The following DOCK5 variants were observed in gnomAD, a reference collection of about 807,000 sequenced individuals.
DOCK5 encodes the protein dedicator of cytokinesis 5, also known as dedicator of cytokinesis protein 5.
DOCK5 carries 142 observed loss-of-function variants against 251.8 expected under a neutral mutation model. The observed-to-expected ratio is 0.56, with a 90% CI of 0.49 to 0.65. The LOEUF is 0.65. Ranked by LOEUF, DOCK5 falls within the 30% of genes least tolerant of loss-of-function variation. The probability of loss-of-function intolerance (pLI) is 0.00; values close to 1 mark genes in which losing one functional copy is unlikely to be tolerated. For missense variants in DOCK5, 2,111 were observed against 2,312.3 expected (o/e 0.91, Z 1.79); for synonymous variants, 842 against 835.5 (o/e 1.01, Z -0.13).
intron 18 of DOCK5, among the ~76,000 whole-genome samples, chr8:25,330,115 G>A (rs1417239675): frequency 4.6e-5 from 7 of 152,198 alleles, no homozygotes; most frequent in African/African-American, 9.6e-5. Flanking sequence ...TCCTCCAGCA[G>A]CTATGAGTCA....
chr8:25,311,411 C>A (rs1805091619), intron 13 of DOCK5, among the ~76,000 whole-genome samples: 1 of 151,696 alleles, frequency 6.6e-6, no homozygotes, highest in African/African-American at 2.4e-5. Context: ...GGTGTGGTGG[C>A]ACGTGCCTGT....
chr8:25,195,080 C>A (rs1586218419), intron 1 of DOCK5, among the ~76,000 whole-genome samples: 1 of 151,998 alleles, frequency 6.6e-6, no homozygotes, highest in East Asian at 1.9e-4. Context: ...ATCACCACAC[C>A]TGGCTAATTT....
At chr8:25,295,236 C>T (rs556255931) in intron 6 of DOCK5, among the ~76,000 whole-genome samples, 2 of 151,786 alleles carry the variant, frequency 1.3e-5, no homozygotes, top group South Asian at 4.2e-4. Context: ...GCCAGGAGTT[C>T]AAGACTAGCC....
rs1183725829 is a variant in DOCK5 at position 25,403,687 on chromosome 8, T to C, written c.5056T>C (p.Ser1686Pro). The C allele has an allele frequency of 6.2e-6, 10 of 1,613,816 alleles. No individual in the cohort carries two copies. The Admixed American group carries it at 1.7e-4, about 27-fold the overall frequency. ...CTCTGTGGTTTCCACCTCTTCAAACTCGTCTGACAATGCTCCTTCCAGACC... is the reference window on the plus strand; with the variant it reads ...CTCTGTGGTTTCCACCTCTTCAAACCCGTCTGACAATGCTCCTTCCAGACC... ...TSSVVSTSSN[S>P]SDNAPSRPGS... The change falls in exon 48 of 52, where the codon TCG becomes CCG. Residue 1686 changes from serine (S) to proline (P), a missense_variant. By Grantham distance (74) the Ser-to-Pro change is moderately conservative (BLOSUM62 -1). Transcript: ENST00000276440.
intron 22 of DOCK5, among the ~76,000 whole-genome samples, chr8:25,339,677 C>T (rs1805902344): frequency 6.6e-6 from 1 of 152,118 alleles, no homozygotes; most frequent in African/African-American, 2.4e-5. Context: ...AATGTGGATG[C>T]GTGAGGAGTA....
At chr8:25,313,462 C>T (rs767813233) in intron 13 of DOCK5, among the ~76,000 whole-genome samples, 15 of 152,288 alleles carry the variant, frequency 9.8e-5, no homozygotes, top group Non-Finnish European at 1.6e-4. Context: ...CTCTGCTTCT[C>T]CATTTCCCTG....
intron 45 of DOCK5, 183 bp downstream of exon 45, chr8:25,395,902 C>A: frequency 1.3e-6 from 1 of 784,684 alleles, no homozygotes; most frequent in Non-Finnish European, 2.2e-6. Context: ...TATCAGCAAC[C>A]CAGCTGGTAT....
At chr8:25,392,624 G>C (rs1377924496) in intron 43 of DOCK5, among the ~76,000 whole-genome samples, 172 bp from the exon 44 acceptor site, 2 of 152,144 alleles carry the variant, frequency 1.3e-5, no homozygotes, top group East Asian at 3.9e-4. Context: ...TAAACATCCA[G>C]AATCCTTGAA....
intron 27 of DOCK5, among the ~76,000 whole-genome samples, chr8:25,357,457 C>T (rs181901616): frequency 2.0e-4 from 29 of 144,038 alleles, no homozygotes; most frequent in South Asian, 1.7e-3. Context: ...CGGCTCACTG[C>T]GTCTCTGCCT....
chr8:25,307,719 C>T (rs1804981926), intron 11 of DOCK5, among the ~76,000 whole-genome samples: 1 of 152,104 alleles, frequency 6.6e-6, no homozygotes. Context: ...GAGATTGTCC[C>T]CACTGTATAA....
chr8:25,249,392 T>C (rs1229378556), intron 2 of DOCK5, among the ~76,000 whole-genome samples: 2 of 152,212 alleles, frequency 1.3e-5, no homozygotes, highest in African/African-American at 4.8e-5. Context: ...TACAATTCAA[T>C]GGATATTTAC....
rs538652589 is a variant in DOCK5, at chr8:25,411,596, A to G, written c.*298A>G. 4.4e-5 allele frequency: 12 copies of G among 273,286 alleles called. No individual in the cohort carries two copies. The highest frequency in any genetic ancestry group is 3.7e-4 in the South Asian group (3 of 8,076). 16.9% of individuals were successfully genotyped at this position (273,286 alleles called of 1,614,324 possible). Reference sequence around the variant, plus strand: ...AAATGTCAGCCTGTACGGCAGAGACATGGTGGTCTGCACAAGCCTGGACAA... The same window carrying G: ...AAATGTCAGCCTGTACGGCAGAGACGTGGTGGTCTGCACAAGCCTGGACAA... On this transcript the variant is annotated 3_prime_UTR_variant, in exon 52 of 52. Coordinates refer to ENST00000276440, the MANE Select transcript of DOCK5 (RefSeq NM_024940.8).
rs371540284 is a variant in DOCK5, at chr8:25,408,768, G to A, written c.5266-34G>A. The A allele has an allele frequency of 5.6e-5, 91 of 1,611,442 alleles. No individual in the cohort carries two copies. The African/African-American group carries it at 7.2e-4, about 13-fold the overall frequency. On this transcript the variant is annotated intron_variant, in intron 49 of 51. Coordinates refer to ENST00000276440, the MANE Select transcript of DOCK5 (RefSeq NM_024940.8). ...ATTGTTGAGCTCAGCCTTCCTCACC[G>A]TGAAAATGTTTTGCTTTTTCTCTCT...
chr8:25,364,607 TG>T lies in DOCK5; in HGVS notation c.3045-17del. 6.4e-7 allele frequency: 1 copy of T among 1,573,652 alleles called. No individual in the cohort carries two copies. The highest frequency in any genetic ancestry group is 8.7e-7 in the Non-Finnish European group (1 of 1,152,544). The stretch of plus-strand genomic sequence containing the variant: ...AGGACATACAGTTGGCTTCTTTATC[TG>T]GTGTTTTCCTTCCGCAGGGTTTTTC... On this transcript the variant is annotated intron_variant, in intron 29 of 51. Coordinates refer to ENST00000276440, the MANE Select transcript of DOCK5 (RefSeq NM_024940.8).
At chr8:25,400,808 C>A in intron 46 of DOCK5, 121 bp from the exon 47 acceptor site, 1 of 1,089,414 alleles carries the variant, frequency 9.2e-7, no homozygotes, top group Non-Finnish European at 1.3e-6. Flanking sequence ...AGTGGCCTTC[C>A]CATTGGCCAG....
intron 2 of DOCK5, among the ~76,000 whole-genome samples, chr8:25,258,205 C>A (rs1335858959): frequency 6.6e-6 from 1 of 151,726 alleles, no homozygotes; most frequent in East Asian, 2.0e-4. Context: ...TGATTTGGTC[C>A]TCTTCCTCAT....
intron 14 of DOCK5, 33 bp downstream of exon 14, chr8:25,317,164 T>A (rs1805273803): frequency 6.2e-7 from 1 of 1,606,458 alleles, no homozygotes; most frequent in Non-Finnish European, 8.5e-7. Flanking sequence ...CCTGCTACCA[T>A]CGCATCCGTC....
intron 3 of DOCK5, among the ~76,000 whole-genome samples, chr8:25,269,257 G>A (rs1279312928): frequency 6.6e-6 from 1 of 152,094 alleles, no homozygotes; most frequent in African/African-American, 2.4e-5. Context: ...CCAAACTAAA[G>A]GATCTCCCCA....
intron 2 of DOCK5, among the ~76,000 whole-genome samples, chr8:25,258,984 T>TG (rs1803495959): frequency 6.6e-6 from 1 of 152,102 alleles, no homozygotes; most frequent in African/African-American, 2.4e-5. Context: ...CTGGGCTTGG[T>TG]GGTGCATGCC....
Sources: gnomAD v4.1 joint callset for allele counts (sites outside exome capture counted in the v4.1 genomes callset) on GRCh38, gnomAD v4.1.1 for gene constraint, MANE v1.5 for transcripts, NCBI Gene and HGNC (gene_info 2026-07-23, HGNC 2026-07-21) for gene names.